CTNNA2: variants seen among roughly 807,000 people sequenced by gnomAD.
CTNNA2 encodes the protein catenin alpha 2.
In CTNNA2, 42 loss-of-function variants were observed where a neutral mutation model predicts 101.0. The observed-to-expected ratio is 0.42, with a 90% CI of 0.32 to 0.54. The LOEUF (loss-of-function observed/expected upper bound fraction) is 0.54, where lower values mean the gene tolerates loss of function less well. CTNNA2 is among the 20% of genes least tolerant of loss of function. CTNNA2 has a pLI of 0.14. For missense variants in CTNNA2, 871 were observed against 1,223.1 expected, an observed-to-expected ratio of 0.71 and a Z score of 4.29; for synonymous variants, 450 against 456.4, an observed-to-expected ratio of 0.99 and a Z score of 0.18.
intron 12 of CTNNA2, among the ~76,000 whole-genome samples, chr2:80,563,489 C>A (rs1421782995): frequency 6.6e-6 from 1 of 152,184 alleles, no homozygotes; most frequent in East Asian, 1.9e-4. Context: ...AACAAAAGAA[C>A]AACAGAAGTA....
intron 9 of CTNNA2, among the ~76,000 whole-genome samples, chr2:80,420,016 T>TCCAC (rs1310334477): frequency 1.8e-5 from 2 of 111,140 alleles, no homozygotes; most frequent in African/African-American, 6.9e-5. Flanking sequence ...CTAGATGCTG[T>TCCAC]CCACACTGGG....
intron 7 of CTNNA2, among the ~76,000 whole-genome samples, chr2:80,193,981 G>A (rs1706682760): frequency 2.0e-5 from 3 of 152,058 alleles, no homozygotes; most frequent in Admixed American, 6.6e-5. Flanking sequence ...TTAAACAATG[G>A]ATTTCCATTA....
At chr2:80,227,797 G>A (rs1383057790) in intron 7 of CTNNA2, among the ~76,000 whole-genome samples, 2 of 152,008 alleles carry the variant, frequency 1.3e-5, no homozygotes, top group Admixed American at 6.6e-5. Context: ...AGAAAGGTGG[G>A]TGTTTAGCAG....
intron 18 of CTNNA2, among the ~76,000 whole-genome samples, chr2:80,643,508 T>G (rs567000520): frequency 2.0e-5 from 3 of 152,166 alleles, no homozygotes; most frequent in Non-Finnish European, 4.4e-5. Context: ...TCTCTTAGGT[T>G]AGATACAGGA....
chr2:79,990,342 G>C (rs1399690583), intron 7 of CTNNA2, among the ~76,000 whole-genome samples: 1 of 152,086 alleles, frequency 6.6e-6, no homozygotes, highest in Non-Finnish European at 1.5e-5. Flanking sequence ...GGGAAGAAAG[G>C]TCCCAGATAA....
chr2:80,048,575 T>C (rs551452557), intron 7 of CTNNA2, among the ~76,000 whole-genome samples: 1 of 152,338 alleles, frequency 6.6e-6, no homozygotes, highest in South Asian at 2.1e-4. Flanking sequence ...GACTCTTGTA[T>C]AGCAAATATA....
At chr2:80,206,796 TATGA>T (rs1361308967) in intron 7 of CTNNA2, among the ~76,000 whole-genome samples, 5 of 152,250 alleles carry the variant, frequency 3.3e-5, no homozygotes, top group Non-Finnish European at 7.3e-5. Context: ...TTTGTTTTTT[TATGA>T]ATCACTAATA....
At chr2:79,880,944 A>T (rs1410266799) in intron 6 of CTNNA2, among the ~76,000 whole-genome samples, 2 of 152,096 alleles carry the variant, frequency 1.3e-5, no homozygotes, top group East Asian at 1.9e-4. Flanking sequence ...TAGCTCTCTG[A>T]TGTGGGCATT....
chr2:79,331,931 C>A, intron 3 of CTNNA2, among the ~76,000 whole-genome samples: 1 of 152,122 alleles, frequency 6.6e-6, no homozygotes, highest in Non-Finnish European at 1.5e-5. Flanking sequence ...TGCTGAGACA[C>A]ATAGTCATAA....
intron 2 of CTNNA2, among the ~76,000 whole-genome samples, chr2:79,696,722 A>G (rs1410928688): frequency 6.6e-6 from 1 of 152,062 alleles, no homozygotes; most frequent in Admixed American, 6.6e-5. Context: ...AAATGAGATC[A>G]GACCCAGTGG....
At chr2:79,579,903 C>T (rs771111952) in intron 1 of CTNNA2, among the ~76,000 whole-genome samples, 9 of 152,062 alleles carry the variant, frequency 5.9e-5, no homozygotes, top group South Asian at 2.1e-4. Context: ...TGTGAGCCAC[C>T]GCACCTGGCC....
intron 9 of CTNNA2, among the ~76,000 whole-genome samples, chr2:80,437,321 G>A (rs1682130706): frequency 1.3e-5 from 2 of 152,206 alleles, no homozygotes; most frequent in Admixed American, 1.3e-4. Context: ...CAGTTTATAA[G>A]ATCAGGCCTT....
At chr2:79,429,738 C>A (rs962726526) in intron 4 of CTNNA2, among the ~76,000 whole-genome samples, 15 of 151,856 alleles carry the variant, frequency 9.9e-5, no homozygotes, top group African/African-American at 3.1e-4. Context: ...ACTCCAAGGG[C>A]AAATGTGGTT....
chr2:80,411,201 A>T (rs931841515), intron 8 of CTNNA2, among the ~76,000 whole-genome samples: 1 of 152,216 alleles, frequency 6.6e-6, no homozygotes, highest in Non-Finnish European at 1.5e-5. Context: ...ATTAAGAGTT[A>T]TAAGAAAATG....
chr2:80,287,606 C>A (rs1195613847), intron 7 of CTNNA2, among the ~76,000 whole-genome samples: 1 of 152,138 alleles, frequency 6.6e-6, no homozygotes, highest in Non-Finnish European at 1.5e-5. Flanking sequence ...AAATGTTTTG[C>A]ATATATTAAT....
intron 9 of CTNNA2, among the ~76,000 whole-genome samples, chr2:80,460,394 A>G (rs2149471135): frequency 6.6e-6 from 1 of 152,308 alleles, no homozygotes; most frequent in South Asian, 2.1e-4. Context: ...AGATCTTAAC[A>G]CAAAGAATCC....
At chr2:80,405,977 C>T (rs1478285073) in intron 8 of CTNNA2, among the ~76,000 whole-genome samples, 1 of 152,114 alleles carries the variant, frequency 6.6e-6, no homozygotes, top group Non-Finnish European at 1.5e-5. Flanking sequence ...TATTTGATTC[C>T]TTCAATTTCA....
chr2:80,041,336 G>C (rs1017458180), intron 7 of CTNNA2, among the ~76,000 whole-genome samples: 1 of 151,680 alleles, frequency 6.6e-6, no homozygotes, highest in African/African-American at 2.4e-5. Flanking sequence ...AATGGAAGTG[G>C]TATGACAAAG....
intron 7 of CTNNA2, among the ~76,000 whole-genome samples, chr2:80,015,504 C>T (rs1269466476): frequency 1.3e-5 from 2 of 152,088 alleles, no homozygotes; most frequent in East Asian, 3.9e-4. Context: ...GTTGTTTCTC[C>T]ATTATCCATA....
Sources: allele counts gnomAD v4.1 joint callset (sites outside exome capture counted in the v4.1 genomes callset), GRCh38; gene constraint gnomAD v4.1.1; transcripts MANE v1.5; gene names NCBI Gene and HGNC (gene_info 2026-07-23, HGNC 2026-07-21).